MCC: variants seen among roughly 807,000 people sequenced by gnomAD.
MCC encodes the protein colorectal mutant cancer protein.
A neutral mutation model predicts 116.2 loss-of-function variants in MCC; 90 were observed. That is an observed-to-expected ratio of 0.77 (90% confidence interval 0.65 to 0.92). MCC has a LOEUF of 0.92. MCC is among the 40% of genes least tolerant of loss of function. MCC has a pLI of 0.00. For synonymous variants in MCC, 578 were observed against 510.5 expected, an observed-to-expected ratio of 1.13 and a Z score of -1.78; for missense variants, 1,516 against 1,312.2, an observed-to-expected ratio of 1.16 and a Z score of -2.40.
chr5:113,045,402 A>C (rs1007282226), intron 16 of MCC, among the ~76,000 whole-genome samples: 1 of 152,202 alleles, frequency 6.6e-6, no homozygotes, highest in African/African-American at 2.4e-5. Flanking sequence ...CCACAGGATA[A>C]GAATGGTTTT....
In MCC at chr5:113,157,888, T is replaced by C. The variant is rs115063419; in HGVS notation, c.628-6466A>G. Among the ~76,000 whole-genome samples the C allele has an allele frequency of 2.3e-3, 351 of 152,318 alleles. 1 individual carries two copies. Among genetic ancestry groups the C allele is most frequent in the African/African-American group, 8.1e-3 (336 of 41,570 alleles). On this transcript the variant is annotated intron_variant, in intron 3 of 18. Transcript: ENST00000408903. ...AATAGAACAGACCAATTATTAACAA[T>C]ATGCCAGCACTGCTACTCTTATGCT... is the stretch of plus-strand genomic sequence containing the variant.
At chr5:113,094,134 G>A (rs1755849061) in intron 8 of MCC, among the ~76,000 whole-genome samples, 1 of 152,100 alleles carries the variant, frequency 6.6e-6, no homozygotes, top group Non-Finnish European at 1.5e-5. Flanking sequence ...TTTTCTTAGA[G>A]CCCTCAAATA....
chr5:113,437,634 C>G (rs759891782), intron 1 of MCC, among the ~76,000 whole-genome samples: 33 of 152,174 alleles, frequency 2.2e-4, no homozygotes, highest in African/African-American at 3.4e-4. Context: ...AGAAATAGTG[C>G]TGCACTTGAA....
At chr5:113,345,819 G>C (rs1440922948) in intron 2 of MCC, among the ~76,000 whole-genome samples, 1 of 152,178 alleles carries the variant, frequency 6.6e-6, no homozygotes, top group Non-Finnish European at 1.5e-5. Flanking sequence ...TCAATGCCCA[G>C]ACACTGAATA....
intron 14 of MCC, among the ~76,000 whole-genome samples, chr5:113,055,355 C>T (rs1444462194): frequency 6.6e-6 from 1 of 152,164 alleles, no homozygotes; most frequent in African/African-American, 2.4e-5. Context: ...AGAGCCAGGA[C>T]CCCAACTCAG....
chr5:113,077,623 A>T (rs1754548620), intron 11 of MCC, among the ~76,000 whole-genome samples: 1 of 152,270 alleles, frequency 6.6e-6, no homozygotes, highest in Non-Finnish European at 1.5e-5. Flanking sequence ...ACAAAGACAA[A>T]ACATACAAGA....
At chr5:113,034,262 T>A (rs1233429957) in intron 17 of MCC, among the ~76,000 whole-genome samples, 1 of 152,134 alleles carries the variant, frequency 6.6e-6, no homozygotes, top group Non-Finnish European at 1.5e-5. Context: ...CACAGGGAAT[T>A]AAGAGGCAGC....
Position 113,456,623 on chromosome 5 carries a change from A to ATTTTTTTTTTTTTTT in MCC, c.170+31607_170+31621dup, listed in dbSNP as rs34111159. On this transcript the variant is annotated intron_variant, in intron 1 of 18. Transcript: ENST00000408903. ...AGTCACCCGCCACCATGCCCAGCTAATTTTTTTTTTTTTTTTTTTTTTTTT... is the reference window on the plus strand; with the variant it reads ...AGTCACCCGCCACCATGCCCAGCTAATTTTTTTTTTTTTTTTTTTTTTTTTTTTTTTTTTTTTTTT... Among the ~76,000 whole-genome samples, 123 of 51,076 alleles carry ATTTTTTTTTTTTTTT rather than the reference A, an allele frequency of 2.4e-3. 8 individuals are homozygous for ATTTTTTTTTTTTTTT. The highest frequency in any genetic ancestry group is 3.6e-3 in the South Asian group (3 of 822). The allele number at this position is 51,076 out of a possible 152,430, so 33.5% of individuals were successfully genotyped here. A position where few individuals can be genotyped will look rare whatever the true frequency, so the allele number is the denominator to read the frequency against.
chr5:113,072,684 G>A (rs1364905494), intron 11 of MCC, among the ~76,000 whole-genome samples: 2 of 152,160 alleles, frequency 1.3e-5, no homozygotes, highest in Non-Finnish European at 2.9e-5. Context: ...AGTAAGGCTT[G>A]CCATTCTCTT....
chr5:113,291,446 C>T (rs1766491711), intron 3 of MCC, among the ~76,000 whole-genome samples: 1 of 152,198 alleles, frequency 6.6e-6, no homozygotes, highest in Middle Eastern at 3.2e-3. Flanking sequence ...TCAATGACTT[C>T]TGTGGCTAGG....
chr5:113,182,368 C>T (rs989652419), intron 3 of MCC, among the ~76,000 whole-genome samples: 7 of 152,170 alleles, frequency 4.6e-5, no homozygotes, highest in African/African-American at 1.2e-4. Context: ...ACCACACTAA[C>T]AAGATGGTAA....
At chr5:113,053,104 T>G (rs1437675641) in intron 15 of MCC, among the ~76,000 whole-genome samples, 2 of 152,158 alleles carry the variant, frequency 1.3e-5, no homozygotes, top group Non-Finnish European at 2.9e-5. Flanking sequence ...GTTTAACTAC[T>G]TCCCAGTAGG....
At chr5:113,185,521 A>C (rs929854770) in intron 3 of MCC, among the ~76,000 whole-genome samples, 9 of 152,346 alleles carry the variant, frequency 5.9e-5, no homozygotes, top group Non-Finnish European at 1.2e-4. Flanking sequence ...GGAGATTAGA[A>C]GTAGCAGATT....
intron 3 of MCC, among the ~76,000 whole-genome samples, chr5:113,239,597 G>A (rs1764285179): frequency 1.3e-5 from 2 of 152,104 alleles, no homozygotes; most frequent in African/African-American, 4.8e-5. Flanking sequence ...AACTAAGAAG[G>A]AACTCCGTAG....
intron 3 of MCC, among the ~76,000 whole-genome samples, chr5:113,331,199 A>C (rs887506291): frequency 6.7e-6 from 1 of 148,150 alleles, no homozygotes; most frequent in African/African-American, 2.7e-5. Flanking sequence ...CTGGGACAAA[A>C]GCATGTCAAT....
Position 113,434,417 on chromosome 5 carries a change from G to T in MCC, c.171-49205C>A. 1.2e-6 allele frequency: 2 copies of T among 1,613,972 alleles called. No homozygotes were observed. The highest frequency in any genetic ancestry group is 2.7e-5 in the African/African-American group (2 of 75,004). On this transcript the variant is annotated intron_variant, in intron 1 of 18. Coordinates refer to ENST00000408903, the MANE Select transcript of MCC (RefSeq NM_001085377.2). The surrounding 1 kb of genome is among the most constrained non-coding windows in gnomAD (Gnocchi z 4.2). ...TGTTGAAGTCCTTGTCAAGGAGAAG[G>T]TTGTCACACTTGAGGTCCCGGTGGA... is the stretch of plus-strand genomic sequence containing the variant.
intron 1 of MCC, among the ~76,000 whole-genome samples, chr5:113,453,343 ATGT>A (rs1417056246): frequency 6.6e-6 from 1 of 152,138 alleles, no homozygotes; most frequent in Non-Finnish European, 1.5e-5. Context: ...CCACCAAGAA[ATGT>A]TGTAGAACAG....
chr5:113,118,839 G>A (rs113445716), intron 6 of MCC, among the ~76,000 whole-genome samples: 2,434 of 152,308 alleles, frequency 0.016, 73 homozygotes, highest in African/African-American at 0.056. Flanking sequence ...CAGCTTTAAT[G>A]AACTCCTCCT....
At chr5:113,073,196 G>T (rs6878846) in intron 11 of MCC, among the ~76,000 whole-genome samples, 51,493 of 151,746 alleles carry the variant, frequency 0.34, 8,751 homozygotes, top group Middle Eastern at 0.39. Context: ...GGACACCCCT[G>T]CACTAGACCC....
Sources: allele counts gnomAD v4.1 joint callset (sites outside exome capture counted in the v4.1 genomes callset), GRCh38; gene constraint gnomAD v4.1.1; non-coding constraint Gnocchi (gnomAD v3.1); transcripts MANE v1.5; gene names NCBI Gene and HGNC (gene_info 2026-07-23, HGNC 2026-07-21).